The following SDK2 variants were observed in gnomAD, a reference collection of about 807,000 sequenced individuals.
SDK2 encodes the protein sidekick cell adhesion molecule 2, also known as protein sidekick-2.
SDK2 carries 105 observed loss-of-function variants against 253.9 expected under a neutral mutation model. That is an observed-to-expected ratio of 0.41 (90% CI 0.35 to 0.49). The LOEUF (loss-of-function observed/expected upper bound fraction) is 0.49, where lower values mean the gene tolerates loss of function less well. SDK2 is among the 20% of genes least tolerant of loss of function. The pLI, the probability that SDK2 is intolerant of heterozygous loss-of-function variation, is 0.06. For synonymous variants in SDK2, 1,249 were observed against 1,234.9 expected (o/e 1.01, Z -0.24); for missense variants, 2,608 against 3,003.0 (o/e 0.87, Z 3.07).
rs2046407430 is a variant in SDK2 at position 73,642,206 on chromosome 17, A to G, written c.64+1819T>C. 6.6e-6 allele frequency among the ~76,000 whole-genome samples: 1 copy of G among 152,190 alleles called. No individual in the cohort carries two copies. The highest frequency in any genetic ancestry group is 2.4e-5 in the African/African-American group (1 of 41,458). ...GCACAGGTGTGGACGTGGGGCAGGA[A>G]GGGACACATGAAGACCCCAAAGCAA... On this transcript the variant is annotated intron_variant, in intron 1 of 44. Transcript: ENST00000392650. The surrounding 1 kb of genome is among the most constrained non-coding windows in gnomAD (Gnocchi z 4.7).
chr17:73,421,524 C>T (rs371906064), intron 15 of SDK2, among the ~76,000 whole-genome samples: 5 of 150,730 alleles, frequency 3.3e-5, no homozygotes, highest in South Asian at 2.1e-4. Flanking sequence ...TGGGTATCAC[C>T]GTGTGATGTT....
intron 3 of SDK2, among the ~76,000 whole-genome samples, chr17:73,466,235 G>A (rs1274987292): frequency 1.3e-5 from 2 of 152,138 alleles, no homozygotes; most frequent in African/African-American, 4.8e-5. Flanking sequence ...GATTCAAGAA[G>A]GTTGTTTCTT....
chr17:73,470,899 C>T (rs994247917), intron 3 of SDK2, among the ~76,000 whole-genome samples: 10 of 152,104 alleles, frequency 6.6e-5, no homozygotes, highest in African/African-American at 2.2e-4. Context: ...ATGCAACAGC[C>T]CATAATGAGC....
At chr17:73,491,997 G>A (rs1010358310) in intron 2 of SDK2, among the ~76,000 whole-genome samples, 2 of 152,198 alleles carry the variant, frequency 1.3e-5, no homozygotes, top group Non-Finnish European at 2.9e-5. Context: ...CGAAATCTGG[G>A]CCAGCTTCAT....
chr17:73,373,393 C>T (rs1471924403), intron 36 of SDK2, among the ~76,000 whole-genome samples: 1 of 152,198 alleles, frequency 6.6e-6, no homozygotes. Flanking sequence ...AGTGGGATTG[C>T]TGGATCATTG....
intron 1 of SDK2, among the ~76,000 whole-genome samples, chr17:73,573,040 C>T (rs2045410204): frequency 6.6e-6 from 1 of 152,214 alleles, no homozygotes; most frequent in African/African-American, 2.4e-5. Context: ...GAACGGGTGA[C>T]TGCCCCATGG....
chr17:73,593,193 G>T (rs1201925397), intron 1 of SDK2, among the ~76,000 whole-genome samples: 1 of 150,922 alleles, frequency 6.6e-6, no homozygotes, highest in Non-Finnish European at 1.5e-5. Context: ...CTGTGCCACT[G>T]GGGGGCTGTG....
intron 2 of SDK2, among the ~76,000 whole-genome samples, chr17:73,489,124 C>T (rs1447045631): frequency 6.6e-6 from 1 of 152,304 alleles, no homozygotes; most frequent in Non-Finnish European, 1.5e-5. Flanking sequence ...ATACCCTTGT[C>T]TCCATGTACT....
chr17:73,483,275 C>T (rs944864999), intron 2 of SDK2, among the ~76,000 whole-genome samples: 8 of 150,514 alleles, frequency 5.3e-5, no homozygotes, highest in Non-Finnish European at 7.4e-5. Flanking sequence ...TGGGGCGACC[C>T]GCGGACAACT....
chr17:73,385,315 C>T (rs1393652162), intron 32 of SDK2, among the ~76,000 whole-genome samples: 2 of 152,120 alleles, frequency 1.3e-5, no homozygotes, highest in Non-Finnish European at 2.9e-5. Flanking sequence ...CAGGCAGTGC[C>T]CACTGAAGAG....
At chr17:73,439,470 C>T (rs139458639) in intron 6 of SDK2, among the ~76,000 whole-genome samples, 1 of 152,220 alleles carries the variant, frequency 6.6e-6, no homozygotes, top group Non-Finnish European at 1.5e-5. Context: ...TCTGTAACCC[C>T]AGCACTTTGG....
intron 6 of SDK2, among the ~76,000 whole-genome samples, chr17:73,438,367 G>A (rs988040615): frequency 6.6e-6 from 1 of 152,212 alleles, no homozygotes; most frequent in Non-Finnish European, 1.5e-5. Flanking sequence ...ATCTGTGCCC[G>A]CCCAGGGGGT....
Position 73,414,653 on chromosome 17 carries a change from C to T in SDK2, c.2475G>A (p.Gln825=). Residue 825 remains glutamine (Q), a synonymous_variant, in exon 18 of 45, where the codon CAG becomes CAA. Transcript: ENST00000392650. The stretch of plus-strand genomic sequence containing the variant: ...GAGATGCCTCATGTACCTTGTAGCC[C>T]TGGTTGATGCCGTTGATGAACTGGG... The part of the protein sequence containing the change: ...PSPQFINGIN[Q]GYKLIAWEPE... 1 of 1,613,492 alleles carries T rather than the reference C, an allele frequency of 6.2e-7. No individual in the cohort carries two copies. The highest frequency in any genetic ancestry group is 1.7e-4 in the Middle Eastern group (1 of 6,058).
intron 1 of SDK2, among the ~76,000 whole-genome samples, chr17:73,637,253 G>A (rs984177426): frequency 6.6e-6 from 1 of 152,142 alleles, no homozygotes; most frequent in Non-Finnish European, 1.5e-5. Context: ...CATTGCCAGT[G>A]CATGAGATCC....
At chr17:73,581,798 C>T (rs186096416) in intron 1 of SDK2, among the ~76,000 whole-genome samples, 5 of 152,338 alleles carry the variant, frequency 3.3e-5, no homozygotes, top group South Asian at 4.1e-4. Flanking sequence ...CAATGAGCCC[C>T]GAGTGGGCCA....
rs148354768 is a variant in SDK2 at position 73,503,403 on chromosome 17, A to G, written c.224+4035T>C. ...CTTAGGAAATATTATTTATGAATGA[A>G]GTGACATGATGTCTACAGCAAATCC... is the stretch of plus-strand genomic sequence containing the variant. On this transcript the variant is annotated intron_variant, in intron 2 of 44. Coordinates refer to ENST00000392650, the MANE Select transcript of SDK2 (RefSeq NM_001144952.2). Among the ~76,000 whole-genome samples the G allele has an allele frequency of 9.8e-5, 15 of 152,362 alleles. No homozygotes were observed. In the East Asian group the frequency reaches 2.9e-3, roughly 29 times the overall value.
intron 1 of SDK2, among the ~76,000 whole-genome samples, chr17:73,575,512 C>T (rs2045446175): frequency 6.6e-6 from 1 of 152,216 alleles, no homozygotes; most frequent in Non-Finnish European, 1.5e-5. Context: ...GGGGCTGAAG[C>T]ACTATCTCTT....
intron 3 of SDK2, among the ~76,000 whole-genome samples, chr17:73,457,306 TC>T (rs2063535368): frequency 4.9e-4 from 15 of 30,462 alleles, no homozygotes; most frequent in Admixed American, 2.6e-3. Context: ...TCCCTCCCCC[TC>T]CCCCCCTCCC....
chr17:73,623,738 TGCTTCTTCACGCCTGTGGGCCCAGGC>T (rs2046164056), intron 1 of SDK2, among the ~76,000 whole-genome samples: 1 of 152,142 alleles, frequency 6.6e-6, no homozygotes, highest in South Asian at 2.1e-4. Flanking sequence ...CGACTCTCTC[TGCTTCTTCACGCCTGTGGGCCCAGGC>T]TGGACTGCTC....
Sources: allele counts gnomAD v4.1 joint callset (sites outside exome capture counted in the v4.1 genomes callset), GRCh38; gene constraint gnomAD v4.1.1; non-coding constraint Gnocchi (gnomAD v3.1); transcripts MANE v1.5; gene names NCBI Gene and HGNC (gene_info 2026-07-23, HGNC 2026-07-21).